The following GKAP1 variants were observed in gnomAD, a reference collection of about 807,000 sequenced individuals.
GKAP1 encodes the protein G kinase anchoring protein 1.
Under a neutral mutation model 56.7 loss-of-function variants are expected in GKAP1, and 31 were observed. That is an observed-to-expected ratio of 0.55 (90% CI 0.41 to 0.74). The LOEUF (loss-of-function observed/expected upper bound fraction) is 0.74. GKAP1 is among the 30% of genes least tolerant of loss of function. GKAP1 has a pLI of 0.00. For missense variants in GKAP1, 364 were observed against 402.3 expected (o/e 0.90, Z 0.82); for synonymous variants, 151 against 138.6 (o/e 1.09, Z -0.63).
intron 9 of GKAP1, among the ~76,000 whole-genome samples, chr9:83,750,164 A>C (rs1295678903): frequency 6.6e-6 from 1 of 152,186 alleles, no homozygotes; most frequent in Non-Finnish European, 1.5e-5. Flanking sequence ...ATTGCAAATG[A>C]GCATGATTAC....
chr9:83,796,026 C>G (rs117688597), intron 4 of GKAP1, among the ~76,000 whole-genome samples: 332 of 152,306 alleles, frequency 2.2e-3, no homozygotes, highest in Non-Finnish European at 3.2e-3. Flanking sequence ...ATTCCTCATT[C>G]TTAAAATTAG....
At chr9:83,766,596 G>A (rs988754402) in intron 8 of GKAP1, among the ~76,000 whole-genome samples, 16 of 152,160 alleles carry the variant, frequency 1.1e-4, no homozygotes, top group African/African-American at 3.9e-4. Context: ...TTAATAGATG[G>A]TGTTAATTTA....
At chr9:83,792,284 A>G (rs895633422) in intron 4 of GKAP1, among the ~76,000 whole-genome samples, 10 of 152,224 alleles carry the variant, frequency 6.6e-5, no homozygotes, top group African/African-American at 2.4e-4. Context: ...ATAGTAGAAA[A>G]TAAGATTGCT....
chr9:83,801,230 A>G (rs1284239977), intron 3 of GKAP1, among the ~76,000 whole-genome samples: 1 of 152,206 alleles, frequency 6.6e-6, no homozygotes, highest in Non-Finnish European at 1.5e-5. Context: ...AGCCAAAGGA[A>G]TGCCATGGAT....
At chr9:83,779,446 TATACACAC>T (rs1321357261) in intron 7 of GKAP1, among the ~76,000 whole-genome samples, 1 of 118,000 alleles carries the variant, frequency 8.5e-6, no homozygotes, top group Non-Finnish European at 1.8e-5. Context: ...TATATATATA[TATACACAC>T]ACACACACAC....
At position 83,810,995 on chromosome 9, in the gene GKAP1, A is replaced by C. The variant is rs145803580; in HGVS notation, c.-43-4435T>G. ...TGGAGGCAACTGTAACACAATGGTA[A>C]GTATTTGTATATCTAAAGAAAAGGT... On this transcript the variant is annotated intron_variant, in intron 2 of 12. Transcript: ENST00000376371. Among the ~76,000 whole-genome samples, 592 of 152,378 alleles carry C rather than the reference A, an allele frequency of 3.9e-3. 10 individuals are homozygous for C. Among genetic ancestry groups the C allele is most frequent in the African/African-American group, 0.013 (557 of 41,598 alleles).
At chr9:83,811,163 G>C (rs145240946) in intron 2 of GKAP1, among the ~76,000 whole-genome samples, 1 of 152,326 alleles carries the variant, frequency 6.6e-6, no homozygotes, top group Admixed American at 6.5e-5. Flanking sequence ...ATGAGGCATA[G>C]GAGAATTGGT....
chr9:83,768,876 C>G lies in GKAP1; in HGVS notation c.680G>C (p.Arg227Thr). 1 of 1,612,326 alleles carries G rather than the reference C, an allele frequency of 6.2e-7. No homozygotes were observed. Among genetic ancestry groups the G allele is most frequent in the Non-Finnish European group, 8.5e-7 (1 of 1,179,184 alleles). Residue 227 changes from arginine (R) to threonine (T), a missense_variant, in exon 8 of 13, where the codon AGA becomes ACA. Arg to Thr is a moderately conservative substitution (Grantham distance 71). Coordinates refer to ENST00000376371, the MANE Select transcript of GKAP1 (RefSeq NM_025211.4). The part of the protein sequence containing the change: ...VHKILIREKR[R>T]EQLTEYNGTD... ...TCCATTATATTCTGTAAGCTGTTCT[C>G]TTCGTTTTTCTCTAATAAGAATTTT...
intron 10 of GKAP1, among the ~76,000 whole-genome samples, chr9:83,743,244 A>G (rs1943237741): frequency 6.6e-6 from 1 of 152,212 alleles, no homozygotes; most frequent in Admixed American, 6.5e-5. Context: ...CAAGGATACA[A>G]GAAAACAAAA....
At chr9:83,782,684 A>T (rs1417752989) in intron 6 of GKAP1, among the ~76,000 whole-genome samples, 1 of 130,540 alleles carries the variant, frequency 7.7e-6, no homozygotes, top group African/African-American at 2.9e-5. Flanking sequence ...TTTTTTTTTA[A>T]AGATGAAGTC....
intron 2 of GKAP1, among the ~76,000 whole-genome samples, chr9:83,808,025 T>C (rs1370888521): frequency 6.6e-6 from 1 of 152,238 alleles, no homozygotes; most frequent in Non-Finnish European, 1.5e-5. Flanking sequence ...TGTCTGAAGA[T>C]GCCATCTAGT....
At chr9:83,755,481 AAAT>A (rs1463062276) in intron 8 of GKAP1, among the ~76,000 whole-genome samples, 1 of 152,182 alleles carries the variant, frequency 6.6e-6, no homozygotes, top group Non-Finnish European at 1.5e-5. Flanking sequence ...TATACTGAGT[AAAT>A]AATCATGGAA....
intron 2 of GKAP1, 49 bp from the exon 3 acceptor site, chr9:83,806,609 A>C: frequency 2.9e-6 from 3 of 1,036,422 alleles, no homozygotes; most frequent in Non-Finnish European, 4.3e-6. Context: ...ACAGAGTAAA[A>C]TCTGTTGTAG....
At chr9:83,803,390 T>G (rs184542560) in intron 3 of GKAP1, among the ~76,000 whole-genome samples, 2,548 of 152,186 alleles carry the variant, frequency 0.017, 66 homozygotes, top group African/African-American at 0.059. Flanking sequence ...GTGCCTGCGA[T>G]TGCAGGCGTG....
chr9:83,814,240 C>T (rs1176429368), intron 2 of GKAP1, among the ~76,000 whole-genome samples: 1 of 152,078 alleles, frequency 6.6e-6, no homozygotes, highest in Non-Finnish European at 1.5e-5. Flanking sequence ...CTCTAGCAAC[C>T]CTCTTTCTTC....
At chr9:83,781,912 C>T (rs1222684066) in intron 6 of GKAP1, among the ~76,000 whole-genome samples, 1 of 148,790 alleles carries the variant, frequency 6.7e-6, no homozygotes, top group Non-Finnish European at 1.5e-5. Context: ...GGTACGATCT[C>T]GGCTCACTGC....
chr9:83,742,986 GTC>G (rs1943233932), intron 10 of GKAP1, among the ~76,000 whole-genome samples: 1 of 152,016 alleles, frequency 6.6e-6, no homozygotes, highest in African/African-American at 2.4e-5. Flanking sequence ...GCAAAACCCT[GTC>G]TCTACTAAAA....
chr9:83,748,249 A>G, intron 10 of GKAP1, 60 bp downstream of exon 10: 2 of 1,139,104 alleles, frequency 1.8e-6, no homozygotes, highest in South Asian at 1.4e-5. Flanking sequence ...CATTTGAAAA[A>G]GTACCTTCAG....
At chr9:83,766,011 T>G (rs571389867) in intron 8 of GKAP1, among the ~76,000 whole-genome samples, 226 of 152,256 alleles carry the variant, frequency 1.5e-3, no homozygotes, top group Middle Eastern at 3.4e-3. Flanking sequence ...ATGATATAGT[T>G]GGGCTGTGTC....
Sources: gnomAD v4.1 joint callset for allele counts (sites outside exome capture counted in the v4.1 genomes callset) on GRCh38, gnomAD v4.1.1 for gene constraint, MANE v1.5 for transcripts, NCBI Gene and HGNC (gene_info 2026-07-23, HGNC 2026-07-21) for gene names.